The following CYB5R3 variants were observed in gnomAD, a reference collection of about 807,000 sequenced individuals.
The protein encoded by CYB5R3 is NADH-cytochrome b5 reductase 3.
A neutral mutation model predicts 36.5 loss-of-function variants in CYB5R3; 28 were observed. The observed-to-expected ratio is 0.77, with a 90% CI of 0.57 to 1.05. CYB5R3 has a LOEUF of 1.05. CYB5R3 is among the 50% of genes least tolerant of loss of function. The pLI, the probability that CYB5R3 is intolerant of heterozygous loss-of-function variation, is 0.00. For synonymous variants in CYB5R3, 181 were observed against 159.8 expected (o/e 1.13, Z -1.00); for missense variants, 474 against 408.9 (o/e 1.16, Z -1.37).
At position 42,620,006 on chromosome 22, in the gene CYB5R3, G is replaced by A. The variant is rs1927880973; in HGVS notation, c.734-61C>T. On this transcript the variant is annotated intron_variant, in intron 8 of 8. Transcript: ENST00000352397. ...CTGTGTGGTCACCAACCTGCTGACC[G>A]ACCAACCCTAGGCGGTGAATTCCTT... The A allele has an allele frequency of 1.3e-5, 19 of 1,464,580 alleles. No homozygotes were observed. The Admixed American group carries it at 2.9e-4, about 22-fold the overall frequency. The allele number at this position is 1,464,580 out of a possible 1,614,324, so 90.7% of individuals were successfully genotyped here. A position where few individuals can be genotyped will look rare whatever the true frequency, so the allele number is the denominator to read the frequency against.
At chr22:42,645,069 G>A (rs1029497244) in intron 1 of CYB5R3, among the ~76,000 whole-genome samples, 2 of 152,112 alleles carry the variant, frequency 1.3e-5, no homozygotes, top group Non-Finnish European at 2.9e-5. Flanking sequence ...TAAACCCATG[G>A]AAGTGAGCCT....
At chr22:42,627,500 C>G in intron 6 of CYB5R3, 105 bp downstream of exon 6, 1 of 1,470,572 alleles carries the variant, frequency 6.8e-7, no homozygotes, top group Non-Finnish European at 9.5e-7. Context: ...GCCTGGGCCC[C>G]TGACCTCTGG....
rs565966885 is a variant in CYB5R3 at position 42,639,870 on chromosome 22, A to G, written c.22-3024T>C. The G allele has an allele frequency of 9.0e-6, 12 of 1,338,374 alleles. No homozygotes were observed. The Admixed American group carries it at 2.6e-4, about 28-fold the overall frequency. The allele number at this position is 1,338,374 out of a possible 1,614,324, so 82.9% of individuals were successfully genotyped here. A position where few individuals can be genotyped will look rare whatever the true frequency, so the allele number is the denominator to read the frequency against. On this transcript the variant is annotated intron_variant, in intron 1 of 8. Coordinates refer to ENST00000352397, the MANE Select transcript of CYB5R3 (RefSeq NM_000398.7). ...TTTTTTTTTTTTTGGAATTTCTGAC[A>G]AATCTTATTTTATTCAGATAGCAGT...
At chr22:42,644,700 AG>A (rs1929457155) in intron 1 of CYB5R3, 1 of 982,754 alleles carries the variant, frequency 1.0e-6, no homozygotes, top group South Asian at 4.7e-5. Flanking sequence ...AATAGAGTCT[AG>A]GGAAAAAGTT....
At chr22:42,628,633 G>A (rs1332460617) in intron 4 of CYB5R3, among the ~76,000 whole-genome samples, 1 of 152,220 alleles carries the variant, frequency 6.6e-6, no homozygotes, top group Non-Finnish European at 1.5e-5. Flanking sequence ...TCAAGGCTCT[G>A]GGAGGCCCAC....
At position 42,619,563 on chromosome 22, in the gene CYB5R3, G is replaced by A. The variant is rs549072724; in HGVS notation, c.*210C>T. ...AGGACCAGTAAGTGCCAGGCAGGAC[G>A]TACTCTGAAGGCTCAGCCGTGGCCC... On this transcript the variant is annotated 3_prime_UTR_variant, in exon 9 of 9. Transcript: ENST00000352397. The A allele has an allele frequency of 9.9e-5, 59 of 596,874 alleles. No homozygotes were observed. The highest frequency in any genetic ancestry group is 7.2e-4 in the African/African-American group (39 of 53,804). The allele number at this position is 596,874 out of a possible 1,614,324, so 37.0% of individuals were successfully genotyped here.
In CYB5R3 at chr22:42,638,513, G is replaced by A. The variant is rs548870927; in HGVS notation, c.22-1667C>T. Among the ~76,000 whole-genome samples, 4 of 148,404 alleles carry A rather than the reference G, an allele frequency of 2.7e-5. No homozygotes were observed. The South Asian group carries it at 6.4e-4, about 24-fold the overall frequency. On this transcript the variant is annotated intron_variant, in intron 1 of 8. Coordinates refer to ENST00000352397, the MANE Select transcript of CYB5R3 (RefSeq NM_000398.7). ...GAGCCCAGTAGTTCGCGACCAGCCT[G>A]GGCAACATAGCAAAACTCTGTCTCT... is the stretch of plus-strand genomic sequence containing the variant.
Position 42,627,668 on chromosome 22 carries a change from C to G in CYB5R3, c.484G>C (p.Asp162His), listed in dbSNP as rs78547646. Residue 162 changes from aspartate to histidine, a missense_variant, in exon 6 of 9, where the codon GAC becomes CAC. By Grantham distance (81) the Asp-to-His change is moderately conservative. Coordinates refer to ENST00000352397, the MANE Select transcript of CYB5R3 (RefSeq NM_000398.7). ...QGKGKFAIRP[D>H]KKSNPIIRTV... ...CTGATGATAGGGTTGGACTTTTTGT[C>G]AGGTCGGATGGCGAACTTCCCTGGG... 6.2e-7 allele frequency: 1 copy of G among 1,614,066 alleles called. No individual in the cohort carries two copies.
intron 1 of CYB5R3, among the ~76,000 whole-genome samples, chr22:42,641,586 A>G (rs1168652261): frequency 6.6e-6 from 1 of 152,092 alleles, no homozygotes; most frequent in Non-Finnish European, 1.5e-5. Flanking sequence ...CCCGGGTTCA[A>G]TCGATTCTCC....
At chr22:42,626,297 C>T (rs8190454) in intron 7 of CYB5R3, among the ~76,000 whole-genome samples, 3,680 of 152,266 alleles carry the variant, frequency 0.024, 162 homozygotes, top group African/African-American at 0.083. Context: ...GGGACAAGAG[C>T]GAGACTTTGT....
intron 8 of CYB5R3, among the ~76,000 whole-genome samples, chr22:42,621,631 C>T (rs1016901358): frequency 1.3e-5 from 2 of 152,262 alleles, no homozygotes; most frequent in Admixed American, 6.5e-5. Flanking sequence ...TAGGAGATCA[C>T]CCAACTATTC....
chr22:42,631,118 C>CT, intron 3 of CYB5R3, 130 bp from the exon 4 acceptor site: 1 of 889,168 alleles, frequency 1.1e-6, no homozygotes, highest in Non-Finnish European at 1.8e-6. Flanking sequence ...CCACGGCCCC[C>CT]TCCCACCCCT....
intron 4 of CYB5R3, 135 bp from the exon 5 acceptor site, chr22:42,628,416 T>C: frequency 8.8e-7 from 1 of 1,137,324 alleles, no homozygotes. Flanking sequence ...TGGAGCCCCA[T>C]CCACCCAGCC....
intron 1 of CYB5R3, among the ~76,000 whole-genome samples, chr22:42,637,837 G>C (rs1030595571): frequency 1.3e-5 from 2 of 152,182 alleles, no homozygotes; most frequent in Non-Finnish European, 2.9e-5. Context: ...AGCTGACCCA[G>C]AGTCCACCCA....
chr22:42,636,720 G>A lies in CYB5R3; in HGVS notation c.148C>T (p.Arg50Trp), dbSNP rs532483517. 30 of 1,611,836 alleles carry A rather than the reference G, an allele frequency of 1.9e-5. No individual in the cohort carries two copies. Among genetic ancestry groups the A allele is most frequent in the South Asian group, 6.6e-5 (6 of 90,994 alleles). Residue 50 changes from arginine to tryptophan, a missense_variant, in exon 2 of 9, where the codon CGG (arginine) becomes TGG (tryptophan). By Grantham distance (101) the Arg-to-Trp change is moderately radical. Transcript: ENST00000352397. ...CGGCGGCGGCCGGCACTCACCTCCC[G>A]GTCGATGAGCCGCAGCGGGTACTTG... ...DIKYPLRLIDREIISHDTRRF... is the reference protein window; with the variant it reads ...DIKYPLRLIDWEIISHDTRRF...
chr22:42,644,797 G>A (rs1929461523), intron 1 of CYB5R3, among the ~76,000 whole-genome samples: 1 of 152,166 alleles, frequency 6.6e-6, no homozygotes, highest in Non-Finnish European at 1.5e-5. Flanking sequence ...GGTTGTGCTT[G>A]GTGCTCCCTG....
intron 1 of CYB5R3, chr22:42,647,084 C>T (rs1929571969): frequency 3.5e-6 from 2 of 568,662 alleles, no homozygotes; most frequent in African/African-American, 2.0e-5. Flanking sequence ...ACACCTAGAG[C>T]ACCAGGCCCC....
intron 2 of CYB5R3, chr22:42,632,624 A>C (rs1928679395): frequency 6.6e-6 from 1 of 152,294 alleles, no homozygotes; most frequent in Non-Finnish European, 1.5e-5. Context: ...CTTCTGCATT[A>C]GGGGCAAACA....
chr22:42,640,152 G>T (rs1466836707), intron 1 of CYB5R3: 1 of 1,613,306 alleles, frequency 6.2e-7, no homozygotes, highest in African/African-American at 1.3e-5. Flanking sequence ...CAGCAGGGGT[G>T]GGAGGAACCA....
Sources: gnomAD v4.1 joint callset for allele counts (sites outside exome capture counted in the v4.1 genomes callset) on GRCh38, gnomAD v4.1.1 for gene constraint, MANE v1.5 for transcripts, NCBI Gene and HGNC (gene_info 2026-07-23, HGNC 2026-07-21) for gene names.